CLEC17A: variants seen among roughly 807,000 people sequenced by gnomAD.
The protein encoded by CLEC17A is C-type lectin domain containing 17A.
A neutral mutation model predicts 61.3 loss-of-function variants in CLEC17A; 37 were observed. The ratio of observed to expected loss-of-function variants is 0.60; its 90% CI spans 0.46 to 0.79. The LOEUF is 0.79. CLEC17A is among the 30% of genes least tolerant of loss of function. The probability of loss-of-function intolerance (pLI) is 0.00; values close to 1 mark genes in which losing one functional copy is unlikely to be tolerated. For missense variants in CLEC17A, 418 were observed against 464.7 expected (o/e 0.90, Z 0.92); for synonymous variants, 168 against 164.9 (o/e 1.02, Z -0.14).
intron 4 of CLEC17A, among the ~76,000 whole-genome samples, chr19:14,592,805 C>T (rs1284671709): frequency 3.9e-5 from 6 of 152,194 alleles, no homozygotes; most frequent in South Asian, 2.1e-4. Flanking sequence ...GCTGGGATTG[C>T]AGGCGCCTGC....
intron 4 of CLEC17A, 31 bp downstream of exon 4, chr19:14,592,389 G>A (rs1201672719): frequency 1.2e-6 from 2 of 1,610,638 alleles, no homozygotes; most frequent in Admixed American, 1.7e-5. Context: ...GTGACCTGGG[G>A]GAATACAGGG....
chr19:14,607,305 A>T (rs2074907163), intron 13 of CLEC17A, among the ~76,000 whole-genome samples: 1 of 150,466 alleles, frequency 6.6e-6, no homozygotes, highest in Admixed American at 6.6e-5. Flanking sequence ...CCCAGGTTCA[A>T]GGTATTCTCT....
At chr19:14,586,724 G>C (rs1193106948) in intron 2 of CLEC17A, among the ~76,000 whole-genome samples, 5 of 152,062 alleles carry the variant, frequency 3.3e-5, no homozygotes, top group African/African-American at 1.2e-4. Flanking sequence ...ATTGCGCCCA[G>C]CCTATTTCTA....
chr19:14,587,479 T>A, intron 2 of CLEC17A, 135 bp from the exon 3 acceptor site: 2 of 1,342,058 alleles, frequency 1.5e-6, no homozygotes, highest in Admixed American at 2.5e-5. Context: ...CTGGCCAGGC[T>A]GGGGCTGGGG....
intron 4 of CLEC17A, among the ~76,000 whole-genome samples, chr19:14,593,006 GT>G (rs1228795500): frequency 6.6e-6 from 1 of 152,064 alleles, no homozygotes; most frequent in Non-Finnish European, 1.5e-5. Context: ...GGAGAGAATT[GT>G]TGGCTGCAAA....
intron 6 of CLEC17A, 28 bp downstream of exon 6, chr19:14,594,710 G>A: frequency 6.2e-7 from 1 of 1,613,902 alleles, no homozygotes. Context: ...GAGTCTTCCT[G>A]CTCACCTGGC....
chr19:14,583,928 G>T (rs548867369), intron 2 of CLEC17A, among the ~76,000 whole-genome samples: 1 of 152,062 alleles, frequency 6.6e-6, no homozygotes, highest in South Asian at 2.1e-4. Flanking sequence ...ACTGATAAGT[G>T]GTTGTTAAAG....
intron 10 of CLEC17A, among the ~76,000 whole-genome samples, chr19:14,599,147 G>T (rs1184206773): frequency 7.3e-6 from 1 of 136,514 alleles, no homozygotes; most frequent in Admixed American, 8.0e-5. Flanking sequence ...GAGCACAGTG[G>T]TGTGATCTTG....
rs1463228349 is a variant in CLEC17A, at chr19:14,587,639, T to G, written c.147T>G (p.Asp49Glu). 1.6e-5 allele frequency: 25 copies of G among 1,600,746 alleles called. No homozygotes were observed. The highest frequency in any genetic ancestry group is 4.5e-5 in the East Asian group (2 of 44,188). Reference protein sequence around the residue: ...KPGTMEEEEEDDDYENSTPPY... With the variant: ...KPGTMEEEEEEDDYENSTPPY... Reference sequence around the variant, plus strand: ...GGACCATGGAGGAGGAGGAGGAGGATGATGACTATGAGAACTCAACACCTC... The same window carrying G: ...GGACCATGGAGGAGGAGGAGGAGGAGGATGACTATGAGAACTCAACACCTC... Residue 49 changes from aspartate (D) to glutamate (E), a missense_variant, in exon 3 of 14, where the codon GAT becomes GAG. Asp to Glu is a conservative substitution (Grantham distance 45). Transcript: ENST00000417570.
At chr19:14,599,235 G>T (rs2074640353) in intron 10 of CLEC17A, among the ~76,000 whole-genome samples, 1 of 151,660 alleles carries the variant, frequency 6.6e-6, no homozygotes, top group Non-Finnish European at 1.5e-5. Flanking sequence ...TTACAGGCAT[G>T]TACCACCACG....
chr19:14,591,898 ATGTGTGTG>A (rs747656450), intron 3 of CLEC17A, among the ~76,000 whole-genome samples: 34 of 139,028 alleles, frequency 2.4e-4, no homozygotes, highest in Admixed American at 4.3e-4. Context: ...CCGGAGAAAA[ATGTGTGTG>A]TGTGTGTGTG....
chr19:14,583,511 A>G, intron 2 of CLEC17A, 77 bp downstream of exon 2: 31 of 1,592,264 alleles, frequency 1.9e-5, no homozygotes, highest in Non-Finnish European at 2.7e-5. Flanking sequence ...TGGGCATTGT[A>G]GACACATAGT....
In CLEC17A at chr19:14,594,694, C is replaced by T. The variant is rs533142602; in HGVS notation, c.361+12C>T. 26 of 1,613,962 alleles carry T rather than the reference C, an allele frequency of 1.6e-5. No homozygotes were observed. The East Asian group carries it at 5.6e-4, about 35-fold the overall frequency. On this transcript the variant is annotated intron_variant, in intron 6 of 13. Coordinates refer to ENST00000417570, the MANE Select transcript of CLEC17A (RefSeq NM_001204118.2). ...CCGGAACATGACAGGTGAGAGCTGA[C>T]AGTTGGAGTCTTCCTGCTCACCTGG...
At chr19:14,599,966 A>G in intron 11 of CLEC17A, 65 bp from the exon 12 acceptor site, 1 of 1,589,504 alleles carries the variant, frequency 6.3e-7, no homozygotes, top group Non-Finnish European at 8.6e-7. Context: ...ACAACTGTAC[A>G]TGGCATACTA....
chr19:14,582,410 C>T (rs1357590890), upstream of CLEC17A, among the ~76,000 whole-genome samples: 1 of 151,778 alleles, frequency 6.6e-6, no homozygotes, highest in African/African-American at 2.4e-5. Context: ...GACGGAGTTT[C>T]ACTGTGTAAG....
chr19:14,602,530 G>A (rs2074746881), intron 12 of CLEC17A, among the ~76,000 whole-genome samples: 1 of 151,802 alleles, frequency 6.6e-6, no homozygotes, highest in South Asian at 2.1e-4. Context: ...CTGACCTCAA[G>A]TGATCTGCCG....
At chr19:14,608,351 C>A (rs1720675707) in intron 13 of CLEC17A, among the ~76,000 whole-genome samples, 1 of 152,130 alleles carries the variant, frequency 6.6e-6, no homozygotes, top group Admixed American at 6.6e-5. Context: ...GCACAGGTAG[C>A]ATTGCTCATT....
intron 3 of CLEC17A, among the ~76,000 whole-genome samples, chr19:14,590,654 T>C (rs1312522446): frequency 6.6e-6 from 1 of 152,156 alleles, no homozygotes; most frequent in African/African-American, 2.4e-5. Flanking sequence ...CCCAAAGTGC[T>C]GAGATTACAG....
At chr19:14,598,001 T>A (rs1308710278) in intron 10 of CLEC17A, among the ~76,000 whole-genome samples, 1 of 152,114 alleles carries the variant, frequency 6.6e-6, no homozygotes, top group Non-Finnish European at 1.5e-5. Context: ...TATAGAAGAA[T>A]CTTTTGACCT....
Sources: allele counts gnomAD v4.1 joint callset (sites outside exome capture counted in the v4.1 genomes callset), GRCh38; gene constraint gnomAD v4.1.1; transcripts MANE v1.5; gene names NCBI Gene and HGNC (gene_info 2026-07-23, HGNC 2026-07-21).